ELOVL6: variants seen among roughly 807,000 people sequenced by gnomAD.
The protein encoded by ELOVL6 is ELOVL fatty acid elongase 6.
A neutral mutation model predicts 31.7 loss-of-function variants in ELOVL6; 8 were observed. That is an observed-to-expected ratio of 0.25 (90% CI 0.15 to 0.45). The LOEUF is 0.45. Ranked by LOEUF, ELOVL6 falls within the 20% of genes least tolerant of loss-of-function variation. The pLI is 1.00. For missense variants in ELOVL6, 126 were observed against 326.4 expected (o/e 0.39, Z 4.73); for synonymous variants, 101 against 117.7 (o/e 0.86, Z 0.92).
chr4:110,173,355 C>T (rs993808861), intron 1 of ELOVL6, among the ~76,000 whole-genome samples: 1 of 152,064 alleles, frequency 6.6e-6, no homozygotes, highest in African/African-American at 2.4e-5. Flanking sequence ...GTTTATGTCA[C>T]TAGTGATACC....
At chr4:110,108,062 T>C (rs1379238705) in intron 1 of ELOVL6, among the ~76,000 whole-genome samples, 1 of 152,192 alleles carries the variant, frequency 6.6e-6, no homozygotes, top group African/African-American at 2.4e-5. Flanking sequence ...CATTGCATAA[T>C]GTGTAGAACA....
At chr4:110,198,154 C>T in intron 1 of ELOVL6, 93 bp downstream of exon 1, 1 of 716,266 alleles carries the variant, frequency 1.4e-6, no homozygotes, top group Non-Finnish European at 2.5e-6. Context: ...TTCATCGCTC[C>T]ATTCACGCCC....
At chr4:110,118,697 T>C (rs183604036) in intron 1 of ELOVL6, among the ~76,000 whole-genome samples, 129 of 152,318 alleles carry the variant, frequency 8.5e-4, no homozygotes, top group African/African-American at 3.1e-3. Context: ...AATGCTACAA[T>C]GAACATGGGG....
chr4:110,098,840 T>C (rs538852512), intron 2 of ELOVL6, among the ~76,000 whole-genome samples: 1 of 152,304 alleles, frequency 6.6e-6, no homozygotes, highest in Admixed American at 6.5e-5. Context: ...TTTTGTCCTA[T>C]GACACTTAAA....
intron 2 of ELOVL6, among the ~76,000 whole-genome samples, chr4:110,075,079 C>T (rs1303367972): frequency 1.3e-5 from 2 of 152,080 alleles, no homozygotes; most frequent in Middle Eastern, 3.2e-3. Context: ...TGAGGTATCA[C>T]GTCACAGTCA....
At chr4:110,071,610 G>A (rs1755483642) in intron 2 of ELOVL6, among the ~76,000 whole-genome samples, 1 of 152,054 alleles carries the variant, frequency 6.6e-6, no homozygotes, top group East Asian at 1.9e-4. Context: ...ATTCCTCCAT[G>A]GCTGGCTCCC....
chr4:110,084,076 C>CGA lies in ELOVL6; in HGVS notation c.221+21420_221+21421insTC, dbSNP rs1560813855. On this transcript the variant is annotated intron_variant, in intron 2 of 3. Transcript: ENST00000302274. ...ATATATGATATATAACATATATATGCTATATATGATATATAACATATATAT... is the reference window on the plus strand; with the variant it reads ...ATATATGATATATAACATATATATGCGATATATATGATATATAACATATATAT... Among the ~76,000 whole-genome samples the CGA allele has an allele frequency of 1.8e-4, 3 of 16,700 alleles. 1 individual carries two copies. Among genetic ancestry groups the CGA allele is most frequent in the Non-Finnish European group, 2.0e-4 (2 of 9,850 alleles). 11.0% of individuals were successfully genotyped at this position (16,700 alleles called of 152,430 possible). A position where few individuals can be genotyped will look rare whatever the true frequency, so the allele number is the denominator to read the frequency against.
chr4:110,102,554 G>A (rs2126245025), intron 2 of ELOVL6, among the ~76,000 whole-genome samples: 1 of 152,194 alleles, frequency 6.6e-6, no homozygotes, highest in Non-Finnish European at 1.5e-5. Context: ...AGCTACATGG[G>A]AGGCTAAGTT....
At chr4:110,191,559 T>C (rs1180102433) in intron 1 of ELOVL6, among the ~76,000 whole-genome samples, 1 of 152,222 alleles carries the variant, frequency 6.6e-6, no homozygotes, top group South Asian at 2.1e-4. Context: ...AAGTTAATCA[T>C]TAAGACAATG....
intron 2 of ELOVL6, among the ~76,000 whole-genome samples, chr4:110,072,854 T>C (rs78022846): frequency 0.084 from 12,736 of 152,214 alleles, 684 homozygotes; most frequent in South Asian, 0.15. Context: ...TGTCACCCTA[T>C]TGTACTTCAA....
chr4:110,125,814 G>A (rs1278401269), intron 1 of ELOVL6, among the ~76,000 whole-genome samples: 7 of 147,894 alleles, frequency 4.7e-5, no homozygotes, highest in African/African-American at 7.4e-5. Flanking sequence ...GCGACAGAGC[G>A]AGACTCCATC....
chr4:110,128,977 G>A (rs1209112343), intron 1 of ELOVL6, among the ~76,000 whole-genome samples: 1 of 152,170 alleles, frequency 6.6e-6, no homozygotes, highest in Non-Finnish European at 1.5e-5. Context: ...TTAGGTGGGT[G>A]CAAAAGTTAT....
intron 1 of ELOVL6, among the ~76,000 whole-genome samples, chr4:110,121,916 C>G (rs951836553): frequency 1.0e-4 from 15 of 149,828 alleles, no homozygotes; most frequent in African/African-American, 3.8e-4. Flanking sequence ...GGTCTCCAGA[C>G]TTTCCAAAGT....
intron 2 of ELOVL6, among the ~76,000 whole-genome samples, chr4:110,068,748 C>T (rs1200624297): frequency 1.3e-5 from 2 of 152,138 alleles, no homozygotes; most frequent in African/African-American, 4.8e-5. Flanking sequence ...CACACTTGCT[C>T]CAGTTACCTG....
chr4:110,190,229 TGTAA>T (rs1261620780), intron 1 of ELOVL6, among the ~76,000 whole-genome samples: 2 of 152,194 alleles, frequency 1.3e-5, no homozygotes, highest in Admixed American at 1.3e-4. Context: ...CAAAGGTAAG[TGTAA>T]GTCTTTTTTC....
At chr4:110,159,467 T>C (rs1048904097) in intron 1 of ELOVL6, among the ~76,000 whole-genome samples, 16 of 152,034 alleles carry the variant, frequency 1.1e-4, no homozygotes, top group Non-Finnish European at 2.1e-4. Context: ...ACACAGTTTT[T>C]CTTTTTTTTT....
intron 1 of ELOVL6, among the ~76,000 whole-genome samples, chr4:110,160,540 G>A (rs980014151): frequency 2.6e-5 from 4 of 152,262 alleles, no homozygotes; most frequent in South Asian, 4.1e-4. Context: ...TTGCATAGGC[G>A]TGCTAGTTTA....
intron 2 of ELOVL6, among the ~76,000 whole-genome samples, chr4:110,084,525 TACACTTACAC>T (rs1476238979): frequency 0.01 from 927 of 90,528 alleles, 40 homozygotes; most frequent in African/African-American, 0.044. Context: ...ATACATTATA[TACACTTACAC>T]ACACACACAC....
At chr4:110,061,232 C>G (rs1755128290) in intron 2 of ELOVL6, among the ~76,000 whole-genome samples, 1 of 152,180 alleles carries the variant, frequency 6.6e-6, no homozygotes, top group African/African-American at 2.4e-5. Flanking sequence ...CTGCCTCTCT[C>G]TCCCCATTCT....
Sources: gnomAD v4.1 joint callset for allele counts (sites outside exome capture counted in the v4.1 genomes callset) on GRCh38, gnomAD v4.1.1 for gene constraint, MANE v1.5 for transcripts, NCBI Gene and HGNC (gene_info 2026-07-23, HGNC 2026-07-21) for gene names.